Variants in GRB10 observed in about 807,000 individuals in gnomAD.
The protein encoded by GRB10 is growth factor receptor-bound protein 10.
Under a neutral mutation model 80.9 loss-of-function variants are expected in GRB10, and 20 were observed. The ratio of observed to expected loss-of-function variants is 0.25; its 90% CI spans 0.17 to 0.36. The LOEUF is 0.36. GRB10 is among the 10% of genes least tolerant of loss of function. The pLI is 1.00. For missense variants in GRB10, 548 were observed against 747.7 expected (o/e 0.73, Z 3.12); for synonymous variants, 291 against 291.5 (o/e 1.00, Z 0.02).
chr7:50,733,030 C>A (rs1221163986), intron 3 of GRB10, among the ~76,000 whole-genome samples: 1 of 152,232 alleles, frequency 6.6e-6, no homozygotes, highest in Non-Finnish European at 1.5e-5. Flanking sequence ...TCCTAAGCTG[C>A]AGCCCTAACT....
intron 5 of GRB10, among the ~76,000 whole-genome samples, chr7:50,700,736 G>A (rs1386877758): frequency 6.6e-6 from 1 of 152,176 alleles, no homozygotes; most frequent in African/African-American, 2.4e-5. Context: ...AAGAGTGGGT[G>A]TGTTTTAAAG....
intron 2 of GRB10, chr7:50,779,610 G>C (rs1194247167): frequency 6.6e-6 from 1 of 152,072 alleles, no homozygotes; most frequent in African/African-American, 2.4e-5. Flanking sequence ...TGAATGACAG[G>C]CGGGGTCCCT....
At chr7:50,647,142 A>G (rs535278970) in intron 7 of GRB10, among the ~76,000 whole-genome samples, 1 of 151,246 alleles carries the variant, frequency 6.6e-6, no homozygotes, top group African/African-American at 2.4e-5. Flanking sequence ...ACAACAAAAC[A>G]AACTCACTTA....
At chr7:50,652,735 C>T (rs929668431) in intron 7 of GRB10, among the ~76,000 whole-genome samples, 9 of 152,256 alleles carry the variant, frequency 5.9e-5, no homozygotes, top group Admixed American at 4.6e-4. Context: ...AGACACCACG[C>T]AGACTTCGCT....
At chr7:50,771,136 G>A (rs140270193) in intron 2 of GRB10, among the ~76,000 whole-genome samples, 263 of 152,296 alleles carry the variant, frequency 1.7e-3, no homozygotes, top group African/African-American at 5.7e-3. Flanking sequence ...AAGAGTCCAT[G>A]GAGACTTCTT....
chr7:50,767,223 C>A (rs1217035118), intron 2 of GRB10, among the ~76,000 whole-genome samples: 1 of 152,162 alleles, frequency 6.6e-6, no homozygotes, highest in Non-Finnish European at 1.5e-5. Context: ...GCAGGAATAC[C>A]AGAATGCCCG....
rs941878445 is a variant in GRB10, at chr7:50,615,665, G to A, written c.984+545C>T. Among the ~76,000 whole-genome samples, 5 of 152,334 alleles carry A rather than the reference G, an allele frequency of 3.3e-5. No individual in the cohort carries two copies. The East Asian group carries it at 9.6e-4, about 29-fold the overall frequency. ...GGGTGGACAAGGCTCCTGCCACAGG[G>A]TATATGTGGACAGCACAAGAAGAGA... On this transcript the variant is annotated intron_variant, in intron 11 of 18. Coordinates refer to ENST00000401949, the MANE Select transcript of GRB10 (RefSeq NM_001350814.2).
chr7:50,691,298 T>C lies in GRB10; in HGVS notation c.139+12523A>G, dbSNP rs1350005237. Among the ~76,000 whole-genome samples, 5 of 152,044 alleles carry C rather than the reference T, an allele frequency of 3.3e-5. No homozygotes were observed. The East Asian group carries it at 7.7e-4, about 23-fold the overall frequency. On this transcript the variant is annotated intron_variant, in intron 5 of 18. Coordinates refer to ENST00000401949, the MANE Select transcript of GRB10 (RefSeq NM_001350814.2). Reference sequence around the variant, plus strand: ...AAGGAGGGCTAATCTAGAAGCAGAATAGTAGAGGGATGAAATGCTTAGAGG... The same window carrying C: ...AAGGAGGGCTAATCTAGAAGCAGAACAGTAGAGGGATGAAATGCTTAGAGG...
At chr7:50,666,482 G>A (rs898771297) in intron 7 of GRB10, among the ~76,000 whole-genome samples, 1 of 152,140 alleles carries the variant, frequency 6.6e-6, no homozygotes, top group Non-Finnish European at 1.5e-5. Flanking sequence ...CCTTTACAGG[G>A]CACTGAGCTT....
intron 15 of GRB10, chr7:50,605,017 C>T (rs1194493409): frequency 4.1e-6 from 2 of 489,070 alleles, no homozygotes; most frequent in Non-Finnish European, 7.4e-6. Context: ...CAGAACAGTT[C>T]TGCATAGGAG....
intron 2 of GRB10, among the ~76,000 whole-genome samples, chr7:50,772,333 C>T (rs1407083632): frequency 3.9e-5 from 6 of 152,212 alleles, no homozygotes; most frequent in Non-Finnish European, 5.9e-5. Flanking sequence ...CCAGCCACCT[C>T]GTTCTGGTCT....
chr7:50,789,791 A>G (rs998311329), intron 1 of GRB10, among the ~76,000 whole-genome samples: 1 of 152,190 alleles, frequency 6.6e-6, no homozygotes, highest in African/African-American at 2.4e-5. Flanking sequence ...CTATATCCTA[A>G]AAGCAAAAAA....
At chr7:50,732,443 T>A in intron 3 of GRB10, 75 bp from the exon 4 acceptor site, 6 of 892,712 alleles carry the variant, frequency 6.7e-6, no homozygotes, top group Non-Finnish European at 1.1e-5. Flanking sequence ...CTGGTTCAAG[T>A]GTGACATGTC....
rs1587893317 is a variant in GRB10, at chr7:50,756,007, C to A, written c.-167G>T. 2.5e-6 allele frequency: 1 copy of A among 398,784 alleles called. No individual in the cohort carries two copies. The highest frequency in any genetic ancestry group is 3.6e-5 in the East Asian group (1 of 28,080). 24.7% of individuals were successfully genotyped at this position (398,784 alleles called of 1,614,324 possible). On this transcript the variant is annotated 5_prime_UTR_variant, in exon 3 of 19. Transcript: ENST00000401949. ...CTGCTGGTCACTGAGCTACCAGTCA[C>A]TGGGCCTGCAGCTGCTGCTTCCTGC...
intron 4 of GRB10, chr7:50,711,131 A>T (rs2065835616): frequency 1.8e-6 from 1 of 560,272 alleles, no homozygotes; most frequent in South Asian, 2.3e-5. Flanking sequence ...CTTAACAGGG[A>T]TCAACTTTAA....
chr7:50,724,227 G>C (rs1011235394), intron 4 of GRB10, among the ~76,000 whole-genome samples: 1 of 152,246 alleles, frequency 6.6e-6, no homozygotes, highest in Non-Finnish European at 1.5e-5. Context: ...GATATCCTGA[G>C]ATAGCCAAGA....
rs964743168 is a variant in GRB10 at position 50,592,754 on chromosome 7, G to C, written c.*198C>G. 4.7e-6 allele frequency: 3 copies of C among 632,528 alleles called. No individual in the cohort carries two copies. Among genetic ancestry groups the C allele is most frequent in the Non-Finnish European group, 8.3e-6 (3 of 360,350 alleles). The allele number at this position is 632,528 out of a possible 1,614,324, so 39.2% of individuals were successfully genotyped here. A position where few individuals can be genotyped will look rare whatever the true frequency, so the allele number is the denominator to read the frequency against. On this transcript the variant is annotated 3_prime_UTR_variant, in exon 19 of 19. Coordinates refer to ENST00000401949, the MANE Select transcript of GRB10 (RefSeq NM_001350814.2). ...CAATTTGGCCGATGCAGAGGGAGGC[G>C]ACCCTGCTGGGTTCACAGCAGCAAA...
intron 5 of GRB10, among the ~76,000 whole-genome samples, chr7:50,700,975 C>T (rs1190887627): frequency 6.6e-6 from 1 of 152,200 alleles, no homozygotes; most frequent in Non-Finnish European, 1.5e-5. Context: ...TTTGTTAACA[C>T]TATCACGAAT....
At chr7:50,788,088 T>C (rs2078769460) in intron 1 of GRB10, among the ~76,000 whole-genome samples, 1 of 152,194 alleles carries the variant, frequency 6.6e-6, no homozygotes, top group Admixed American at 6.5e-5. Context: ...ACTTCTGAAT[T>C]TAAAAGTTAC....
Sources: gnomAD v4.1 joint callset for allele counts (sites outside exome capture counted in the v4.1 genomes callset) on GRCh38, gnomAD v4.1.1 for gene constraint, MANE v1.5 for transcripts, NCBI Gene and HGNC (gene_info 2026-07-23, HGNC 2026-07-21) for gene names.